Variants in RUNX1T1 observed in about 807,000 individuals in gnomAD.
The protein encoded by RUNX1T1 is RUNX1 partner transcriptional co-repressor 1.
RUNX1T1 carries 4 observed loss-of-function variants against 62.8 expected under a neutral mutation model. The ratio of observed to expected loss-of-function variants is 0.06; its 90% CI spans 0.03 to 0.15. The LOEUF is 0.15. Among genes scored for constraint, RUNX1T1 ranks in the 10% least tolerant of loss-of-function variants. The probability of loss-of-function intolerance (pLI) is 1.00; values close to 1 mark genes in which losing one functional copy is unlikely to be tolerated. For missense variants in RUNX1T1, 508 were observed against 754.3 expected (o/e 0.67, Z 3.82); for synonymous variants, 291 against 286.0 (o/e 1.02, Z -0.18).
chr8:92,014,966 A>C (rs1197543481), intron 2 of RUNX1T1, 146 bp from the exon 4 acceptor site: 1 of 767,670 alleles, frequency 1.3e-6, no homozygotes. Context: ...TGGACTTCAC[A>C]GGGTTACTAC....
chr8:92,003,189 A>G (rs1820086578), intron 5 of RUNX1T1: 1 of 323,400 alleles, frequency 3.1e-6, no homozygotes, highest in African/African-American at 2.1e-5. Context: ...ACCTGACTGA[A>G]TGCATACACT....
At chr8:92,014,780 G>T in exon 3 of RUNX1T1, 1 of 1,613,518 alleles carries the variant, frequency 6.2e-7, no homozygotes, top group Non-Finnish European at 8.5e-7. Flanking sequence ...GTGAGGGGGC[G>T]CCATTCAAGG....
At position 91,975,895 on chromosome 8, in the gene RUNX1T1, C is replaced by T; in HGVS notation, c.1267+10G>A. The T allele has an allele frequency of 6.3e-7, 1 of 1,598,492 alleles. No homozygotes were observed. The highest frequency in any genetic ancestry group is 8.6e-7 in the Non-Finnish European group (1 of 1,165,860). The stretch of plus-strand genomic sequence containing the variant: ...AGAACACGAAACTCATGTTTTTAAA[C>T]AATTCTTACCAGCTTTCTTCCAGAT... On this transcript the variant is annotated intron_variant, in intron 9 of 10. Coordinates refer to ENST00000396218, the Ensembl canonical transcript of RUNX1T1.
chr8:92,070,503 C>T lies in RUNX1T1; in HGVS notation c.88+5462G>A, dbSNP rs193213542. Among the ~76,000 whole-genome samples, 16 of 152,158 alleles carry T rather than the reference C, an allele frequency of 1.1e-4. No homozygotes were observed. In the East Asian group the frequency reaches 2.7e-3, roughly 26 times the overall value. On this transcript the variant is annotated intron_variant, in intron 2 of 11. Transcript: ENST00000265814. ...TACTTACGCTGTGCATAATAGATCA[C>T]GATGATGCCAGCTCCATCACAAGGC...
At chr8:92,063,638 A>G (rs1395099218), upstream of RUNX1T1, 2 of 152,196 alleles carry the variant, frequency 1.3e-5, no homozygotes, top group Non-Finnish European at 2.9e-5. Context: ...GTCCCTCTTT[A>G]GTCCTTTGTA....
At chr8:92,031,959 G>A (rs1826314630) in intron 1 of RUNX1T1, among the ~76,000 whole-genome samples, 1 of 151,750 alleles carries the variant, frequency 6.6e-6, no homozygotes, top group African/African-American at 2.4e-5. Context: ...CCAGGCACGG[G>A]ACTCACACCT....
At chr8:92,067,640 CT>C (rs1477076133), upstream of RUNX1T1, among the ~76,000 whole-genome samples, 5 of 152,120 alleles carry the variant, frequency 3.3e-5, no homozygotes, top group African/African-American at 1.2e-4. Context: ...ATATATTTGA[CT>C]TTTAACTCTG....
intron 1 of RUNX1T1, among the ~76,000 whole-genome samples, chr8:92,085,201 C>T (rs115214205): frequency 0.031 from 4,699 of 152,316 alleles, 230 homozygotes; most frequent in African/African-American, 0.1. Flanking sequence ...GGAAGAGCAG[C>T]ATCACTTCCC....
chr8:91,970,533 CT>C, intron 10 of RUNX1T1, 124 bp downstream of exon 11: 1 of 812,592 alleles, frequency 1.2e-6, no homozygotes, highest in Non-Finnish European at 1.7e-6. Context: ...AATACCTTGA[CT>C]TTCCCCACAC....
chr8:92,098,320 G>A (rs1469667758), intron 1 of RUNX1T1, among the ~76,000 whole-genome samples: 3 of 152,094 alleles, frequency 2.0e-5, no homozygotes, highest in Non-Finnish European at 4.4e-5. Flanking sequence ...CACTCATTTT[G>A]CTTTAATTTC....
chr8:92,062,384 T>G (rs1159479158), intron 1 of RUNX1T1, among the ~76,000 whole-genome samples: 1 of 152,196 alleles, frequency 6.6e-6, no homozygotes, highest in Non-Finnish European at 1.5e-5. Context: ...TCTTTGTGGT[T>G]CTCTTTATGC....
At chr8:92,032,093 CAAAAAAAAAAAAA>C (rs59047751) in intron 1 of RUNX1T1, among the ~76,000 whole-genome samples, 3 of 29,534 alleles carry the variant, frequency 1.0e-4, no homozygotes, top group East Asian at 1.8e-3. Flanking sequence ...AATCCTGTCT[CAAAAAAAAAAAAA>C]AAAAAAAAAA....
At chr8:91,960,178 G>A (rs1810107102) in exon 11 of RUNX1T1, 4 of 1,517,824 alleles carry the variant, frequency 2.6e-6, no homozygotes, top group African/African-American at 1.4e-5. Context: ...TTGAGCATCT[G>A]AGGATGAGGA....
intron 8 of RUNX1T1, among the ~76,000 whole-genome samples, chr8:91,982,886 CA>C (rs908360649): frequency 1.5e-5 from 2 of 130,164 alleles, no homozygotes; most frequent in African/African-American, 5.6e-5. Flanking sequence ...AGAGGTTATT[CA>C]AAAAAGAGAT....
At chr8:92,060,054 T>C (rs1273305423) in intron 1 of RUNX1T1, among the ~76,000 whole-genome samples, 2 of 152,146 alleles carry the variant, frequency 1.3e-5, no homozygotes, top group Admixed American at 6.5e-5. Context: ...CATAAAAATA[T>C]AAGTGTTTCA....
chr8:92,095,433 T>C (rs1485587877), intron 1 of RUNX1T1: 1 of 1,535,360 alleles, frequency 6.5e-7, no homozygotes, highest in Non-Finnish European at 8.7e-7. Flanking sequence ...ACATTGGAGC[T>C]TATCAGAAGT....
At chr8:92,006,416 C>T (rs1158210098) in intron 4 of RUNX1T1, 1 of 152,070 alleles carries the variant, frequency 6.6e-6, no homozygotes, top group Non-Finnish European at 1.5e-5. Context: ...TTTGTAGGAA[C>T]CAGGTGCCAT....
At chr8:92,062,578 A>G in exon 1 of RUNX1T1, 1 of 1,614,044 alleles carries the variant, frequency 6.2e-7, no homozygotes, top group Non-Finnish European at 8.5e-7. Flanking sequence ...ACCACACAGA[A>G]AGTGGCTGTC....
At chr8:92,040,077 C>A (rs1828163153) in intron 1 of RUNX1T1, among the ~76,000 whole-genome samples, 1 of 152,170 alleles carries the variant, frequency 6.6e-6, no homozygotes, top group Non-Finnish European at 1.5e-5. Context: ...CCCTCTGTTA[C>A]TTTCTCACAG....
Sources: allele counts gnomAD v4.1 joint callset (sites outside exome capture counted in the v4.1 genomes callset), GRCh38; gene constraint gnomAD v4.1.1; transcripts MANE v1.5; gene names NCBI Gene and HGNC (gene_info 2026-07-23, HGNC 2026-07-21).